UNC5C: variants seen among roughly 807,000 people sequenced by gnomAD.
The protein encoded by UNC5C is unc-5 netrin receptor C, also known as netrin receptor UNC5C.
In UNC5C, 47 loss-of-function variants were observed where a neutral mutation model predicts 99.8. That is an observed-to-expected ratio of 0.47 (90% CI 0.37 to 0.60). The LOEUF is 0.60. Ranked by LOEUF, UNC5C falls within the 20% of genes least tolerant of loss-of-function variation. UNC5C has a pLI of 0.00. For missense variants in UNC5C, 1,062 were observed against 1,165.9 expected (o/e 0.91, Z 1.30); for synonymous variants, 487 against 452.2 (o/e 1.08, Z -0.98).
intron 2 of UNC5C, among the ~76,000 whole-genome samples, chr4:95,333,588 C>T (rs1272194706): frequency 9.0e-5 from 13 of 144,798 alleles, no homozygotes; most frequent in African/African-American, 2.1e-4. Flanking sequence ...GGGGGAGGGG[C>T]GAGGGATAGC....
intron 2 of UNC5C, among the ~76,000 whole-genome samples, chr4:95,322,009 T>A (rs1205132048): frequency 2.0e-5 from 3 of 152,216 alleles, no homozygotes; most frequent in Non-Finnish European, 2.9e-5. Flanking sequence ...AATTCCAGAA[T>A]CATTTATCTT....
At chr4:95,517,632 C>T (rs1459660252) in intron 1 of UNC5C, among the ~76,000 whole-genome samples, 3 of 152,156 alleles carry the variant, frequency 2.0e-5, no homozygotes, top group Admixed American at 6.5e-5. Flanking sequence ...GCCTTCCCAA[C>T]CCTGTACTGA....
intron 1 of UNC5C, among the ~76,000 whole-genome samples, chr4:95,529,679 A>C (rs992963701): frequency 6.6e-6 from 1 of 151,994 alleles, no homozygotes; most frequent in Non-Finnish European, 1.5e-5. Flanking sequence ...GTGAGCTGTG[A>C]CCGCACCACT....
chr4:95,219,849 G>A, intron 8 of UNC5C, 136 bp downstream of exon 8: 2 of 886,520 alleles, frequency 2.3e-6, no homozygotes, highest in South Asian at 1.9e-5. Context: ...CATCAATACA[G>A]TAATGAACAA....
At chr4:95,300,748 T>C (rs1241217686) in intron 3 of UNC5C, among the ~76,000 whole-genome samples, 1 of 152,026 alleles carries the variant, frequency 6.6e-6, no homozygotes, top group East Asian at 1.9e-4. Context: ...AGGAAAAAAA[T>C]TGAACTCACA....
chr4:95,188,287 A>T (rs1021628231), intron 12 of UNC5C, among the ~76,000 whole-genome samples: 2 of 152,164 alleles, frequency 1.3e-5, no homozygotes, highest in Non-Finnish European at 2.9e-5. Flanking sequence ...CAAAGTGGCA[A>T]CTGGTATCGT....
intron 12 of UNC5C, among the ~76,000 whole-genome samples, chr4:95,193,591 A>G (rs1402297389): frequency 6.6e-6 from 1 of 152,138 alleles, no homozygotes; most frequent in Non-Finnish European, 1.5e-5. Context: ...TCTTCTGTTC[A>G]TTATCATGTG....
chr4:95,278,274 C>T lies in UNC5C; in HGVS notation c.579G>A (p.Gly193=), dbSNP rs1261962388. The stretch of plus-strand genomic sequence containing the variant: ...TGTTATTCACCTCAGCCACTGGGAT[C>T]CCTTCAGGTGGTCGACACTGGAGTA... ...EVLLQCRPPE[G]IPVAEVEWLK... Residue 193 remains glycine, a synonymous_variant, in exon 4 of 16, where the codon GGG becomes GGA. Coordinates refer to ENST00000453304, the MANE Select transcript of UNC5C (RefSeq NM_003728.4). 2 of 1,613,982 alleles carry T rather than the reference C, an allele frequency of 1.2e-6. No homozygotes were observed. Among genetic ancestry groups the T allele is most frequent in the Non-Finnish European group, 1.7e-6 (2 of 1,179,914 alleles).
chr4:95,295,391 T>C (rs774025478), intron 3 of UNC5C, among the ~76,000 whole-genome samples: 1 of 152,220 alleles, frequency 6.6e-6, no homozygotes, highest in Non-Finnish European at 1.5e-5. Flanking sequence ...TTAAAGCAGA[T>C]GTGTTATGTT....
rs895253825 is a variant in UNC5C at position 95,168,528 on chromosome 4, T to C, written c.*706A>G. 1 of 152,652 alleles carries C rather than the reference T, an allele frequency of 6.6e-6. No homozygotes were observed. Among genetic ancestry groups the C allele is most frequent in the African/African-American group, 2.4e-5 (1 of 41,470 alleles). 9.5% of individuals were successfully genotyped at this position (152,652 alleles called of 1,614,324 possible). A position where few individuals can be genotyped will look rare whatever the true frequency, so the allele number is the denominator to read the frequency against. On this transcript the variant is annotated 3_prime_UTR_variant, in exon 16 of 16. Transcript: ENST00000453304. ...GTTTGTGGGGTTGAACATGAATCAC[T>C]GTCTTCCCTGCAGTGCTACAGCTTT...
intron 1 of UNC5C, among the ~76,000 whole-genome samples, chr4:95,360,019 C>A (rs1442491470): frequency 1.3e-5 from 2 of 151,986 alleles, no homozygotes; most frequent in Non-Finnish European, 2.9e-5. Context: ...GCAAACATTC[C>A]CTTTTTGCTT....
chr4:95,314,732 C>T (rs1742408574), intron 2 of UNC5C, among the ~76,000 whole-genome samples: 1 of 152,206 alleles, frequency 6.6e-6, no homozygotes, highest in Non-Finnish European at 1.5e-5. Context: ...AGGCTCTTCA[C>T]AAATCAGATG....
chr4:95,344,591 T>C (rs1743701896), intron 1 of UNC5C, among the ~76,000 whole-genome samples: 1 of 151,986 alleles, frequency 6.6e-6, no homozygotes, highest in African/African-American at 2.4e-5. Flanking sequence ...ATATTTTGAG[T>C]AGAAAGACCA....
chr4:95,286,141 G>A (rs1011145230), intron 3 of UNC5C, among the ~76,000 whole-genome samples: 10 of 152,192 alleles, frequency 6.6e-5, no homozygotes, highest in South Asian at 2.1e-4. Context: ...CTTTTTCCCC[G>A]AAGTATTAAT....
intron 12 of UNC5C, among the ~76,000 whole-genome samples, chr4:95,188,859 A>C (rs1736949116): frequency 6.6e-6 from 1 of 152,084 alleles, no homozygotes; most frequent in Non-Finnish European, 1.5e-5. Context: ...ACTGCTTTAA[A>C]CTGCTAATGG....
intron 3 of UNC5C, among the ~76,000 whole-genome samples, chr4:95,288,788 C>T (rs1473494739): frequency 1.3e-5 from 2 of 152,176 alleles, no homozygotes; most frequent in African/African-American, 4.8e-5. Context: ...TGTCAATCTC[C>T]CTTTGTCTTT....
intron 1 of UNC5C, among the ~76,000 whole-genome samples, chr4:95,336,723 G>C (rs1265310290): frequency 6.6e-6 from 1 of 151,864 alleles, no homozygotes; most frequent in Non-Finnish European, 1.5e-5. Flanking sequence ...AGTAAAAATT[G>C]ACTTCACTTG....
intron 10 of UNC5C, among the ~76,000 whole-genome samples, chr4:95,207,523 G>A (rs149813167): frequency 7.9e-5 from 12 of 152,244 alleles, no homozygotes; most frequent in Non-Finnish European, 1.6e-4. Flanking sequence ...AATTAACCTA[G>A]CCTATCAGTA....
intron 12 of UNC5C, among the ~76,000 whole-genome samples, chr4:95,191,325 C>T (rs954156491): frequency 2.6e-5 from 4 of 152,160 alleles, no homozygotes; most frequent in African/African-American, 9.7e-5. Context: ...TCACTGGGAG[C>T]CCCCAGGCAA....
Sources: gnomAD v4.1 joint callset for allele counts (sites outside exome capture counted in the v4.1 genomes callset) on GRCh38, gnomAD v4.1.1 for gene constraint, MANE v1.5 for transcripts, NCBI Gene and HGNC (gene_info 2026-07-23, HGNC 2026-07-21) for gene names.